ACER2: variants seen among roughly 807,000 people sequenced by gnomAD.
ACER2 encodes alkaline ceramidase 2, also known as alkCDase 2.
In ACER2, 26 loss-of-function variants were observed where a neutral mutation model predicts 34.7. That is an observed-to-expected ratio of 0.75 (90% confidence interval 0.55 to 1.04). The LOEUF is 1.04. Ranked by LOEUF, ACER2 falls within the 50% of genes least tolerant of loss-of-function variation. The pLI is 0.00. For missense variants in ACER2, 352 were observed against 340.8 expected (o/e 1.03, Z -0.26); for synonymous variants, 138 against 132.1 (o/e 1.04, Z -0.31).
chr9:19,420,536 G>A (rs1371448320), intron 1 of ACER2, among the ~76,000 whole-genome samples: 1 of 152,152 alleles, frequency 6.6e-6, no homozygotes, highest in African/African-American at 2.4e-5. Context: ...ACAAGTGTTG[G>A]CAAGGATGTG....
At chr9:19,417,905 AT>A (rs1830284057) in intron 1 of ACER2, among the ~76,000 whole-genome samples, 1 of 152,222 alleles carries the variant, frequency 6.6e-6, no homozygotes, top group African/African-American at 2.4e-5. Context: ...AGAAACTATC[AT>A]CAGGTTGAAC....
At chr9:19,426,358 TTCTC>T (rs59963606) in intron 3 of ACER2, among the ~76,000 whole-genome samples, 2,015 of 118,232 alleles carry the variant, frequency 0.017, 15 homozygotes, top group East Asian at 0.028. Context: ...CTCCCTCTCT[TTCTC>T]TCTCTCTCTC....
At chr9:19,440,382 AATAAGGTGATG>A (rs1364878587) in intron 4 of ACER2, among the ~76,000 whole-genome samples, 7 of 152,180 alleles carry the variant, frequency 4.6e-5, no homozygotes, top group African/African-American at 1.4e-4. Context: ...AATACTAATT[AATAAGGTGATG>A]ATATTAGGAG....
intron 4 of ACER2, among the ~76,000 whole-genome samples, chr9:19,438,158 C>T (rs922224727): frequency 6.6e-5 from 10 of 152,194 alleles, no homozygotes; most frequent in Non-Finnish European, 5.9e-5. Context: ...AAACTTTGGG[C>T]ATTTACTTCA....
intron 3 of ACER2, among the ~76,000 whole-genome samples, chr9:19,430,842 C>G (rs1455096349): frequency 6.6e-6 from 1 of 152,080 alleles, no homozygotes; most frequent in Non-Finnish European, 1.5e-5. Flanking sequence ...CCTGTAATCC[C>G]AGCTACTCCG....
At chr9:19,449,681 C>G (rs1404475965) in intron 5 of ACER2, among the ~76,000 whole-genome samples, 4 of 151,884 alleles carry the variant, frequency 2.6e-5, no homozygotes, top group Non-Finnish European at 5.9e-5. Context: ...GTCAGGAGTT[C>G]AAGACCAGCC....
chr9:19,428,063 CT>C (rs1830633383), intron 3 of ACER2, among the ~76,000 whole-genome samples: 1 of 125,796 alleles, frequency 7.9e-6, no homozygotes, highest in Non-Finnish European at 1.7e-5. Context: ...CTTTCCTTTC[CT>C]TTCCTTTCCT....
intron 1 of ACER2, among the ~76,000 whole-genome samples, chr9:19,422,691 CTT>C (rs71335427): frequency 2.1e-5 from 3 of 143,822 alleles, no homozygotes; most frequent in Non-Finnish European, 1.5e-5. Flanking sequence ...CTTCATTAAA[CTT>C]TTTTTTTTTT....
chr9:19,438,986 A>T (rs1009741267), intron 4 of ACER2, among the ~76,000 whole-genome samples: 5 of 152,208 alleles, frequency 3.3e-5, no homozygotes, highest in African/African-American at 1.2e-4. Flanking sequence ...CCTAAAGAAG[A>T]GCAAATGGAG....
chr9:19,439,915 G>T (rs914086011), intron 4 of ACER2, among the ~76,000 whole-genome samples: 2 of 150,588 alleles, frequency 1.3e-5, no homozygotes, highest in African/African-American at 5.0e-5. Context: ...TGTGGTGCGT[G>T]GAGATGTGGA....
chr9:19,409,287 G>A lies in ACER2; in HGVS notation c.108+95G>A, dbSNP rs559426338. On this transcript the variant is annotated intron_variant, in intron 1 of 5. Coordinates refer to ENST00000340967, the MANE Select transcript of ACER2 (RefSeq NM_001010887.3). ...GGAAGCTGGACGTGGGTCTCTGCGC[G>A]CATCTGGGGGCATTCTCTCCAGGGG... is the stretch of plus-strand genomic sequence containing the variant. The A allele has an allele frequency of 4.2e-6, 5 of 1,184,688 alleles. No homozygotes were observed. In the Admixed American group the frequency reaches 6.2e-5, roughly 15 times the overall value. The allele number at this position is 1,184,688 out of a possible 1,614,324, so 73.4% of individuals were successfully genotyped here. A position where few individuals can be genotyped will look rare whatever the true frequency, so the allele number is the denominator to read the frequency against.
chr9:19,409,650 C>G, intron 1 of ACER2: 1 of 767,850 alleles, frequency 1.3e-6, no homozygotes, highest in Non-Finnish European at 1.6e-6. Flanking sequence ...CCCGCAGGTC[C>G]CCGCGGCTGG....
chr9:19,419,636 G>A (rs1164854080), intron 1 of ACER2, among the ~76,000 whole-genome samples: 2 of 152,100 alleles, frequency 1.3e-5, no homozygotes, highest in Non-Finnish European at 2.9e-5. Flanking sequence ...AGTGGCAGGC[G>A]CCTGTAATCC....
intron 1 of ACER2, among the ~76,000 whole-genome samples, chr9:19,410,875 CA>C (rs1830067780): frequency 6.6e-6 from 1 of 152,188 alleles, no homozygotes; most frequent in Admixed American, 6.5e-5. Flanking sequence ...AGTGGTAACA[CA>C]AGCTGTCCTT....
chr9:19,445,486 G>A (rs1831324988), intron 4 of ACER2, among the ~76,000 whole-genome samples: 1 of 152,220 alleles, frequency 6.6e-6, no homozygotes, highest in African/African-American at 2.4e-5. Context: ...AGGCCTTAGG[G>A]AGAGTCACCT....
intron 1 of ACER2, among the ~76,000 whole-genome samples, chr9:19,422,719 T>C (rs1008950533): frequency 6.6e-6 from 1 of 151,156 alleles, no homozygotes; most frequent in Non-Finnish European, 1.5e-5. Flanking sequence ...CATTATTTAA[T>C]ACAGACCTTA....
intron 5 of ACER2, among the ~76,000 whole-genome samples, chr9:19,449,324 C>T (rs1261787391): frequency 6.6e-6 from 1 of 152,202 alleles, no homozygotes; most frequent in Non-Finnish European, 1.5e-5. Flanking sequence ...CAATCTGGTT[C>T]ATACCATTCT....
At chr9:19,443,946 C>T (rs192965731) in intron 4 of ACER2, among the ~76,000 whole-genome samples, 18 of 152,148 alleles carry the variant, frequency 1.2e-4, no homozygotes, top group Admixed American at 9.8e-4. Context: ...GGTGAGCTCC[C>T]GGCCTCTAGG....
chr9:19,450,729 G>C lies in ACER2; in HGVS notation c.*93G>C. ...CAGCCAAGGGAGTTCGAATAGTTGG[G>C]GTGTGGGCTATCTTTTCAAAAATCT... On this transcript the variant is annotated 3_prime_UTR_variant, in exon 6 of 6. Transcript: ENST00000340967. 8.0e-7 allele frequency: 1 copy of C among 1,249,020 alleles called. No homozygotes were observed. 77.4% of individuals were successfully genotyped at this position (1,249,020 alleles called of 1,614,324 possible). A position where few individuals can be genotyped will look rare whatever the true frequency, so the allele number is the denominator to read the frequency against.
Sources: gnomAD v4.1 joint callset for allele counts (sites outside exome capture counted in the v4.1 genomes callset) on GRCh38, gnomAD v4.1.1 for gene constraint, MANE v1.5 for transcripts, NCBI Gene and HGNC (gene_info 2026-07-23, HGNC 2026-07-21) for gene names.